Variants in WDFY3 observed in about 807,000 individuals in gnomAD.
The protein encoded by WDFY3 is WD repeat and FYVE domain containing 3, also known as WD repeat and FYVE domain-containing protein 3.
WDFY3 carries 66 observed loss-of-function variants against 409.6 expected under a neutral mutation model. The ratio of observed to expected loss-of-function variants is 0.16; its 90% CI spans 0.13 to 0.20. The LOEUF is 0.20. WDFY3 is among the 10% of genes least tolerant of loss of function. The probability of loss-of-function intolerance (pLI) is 1.00; values close to 1 mark genes in which losing one functional copy is unlikely to be tolerated. For synonymous variants in WDFY3, 1,521 were observed against 1,537.1 expected (o/e 0.99, Z 0.25); for missense variants, 3,031 against 4,298.1 (o/e 0.71, Z 8.24).
At chr4:84,876,629 T>C (rs987603396) in intron 3 of WDFY3, among the ~76,000 whole-genome samples, 1 of 152,030 alleles carries the variant, frequency 6.6e-6, no homozygotes, top group Non-Finnish European at 1.5e-5. Flanking sequence ...GAGAACCAAA[T>C]CTTATTTAAG....
At chr4:84,769,657 C>T (rs987883768) in intron 30 of WDFY3, among the ~76,000 whole-genome samples, 5 of 152,032 alleles carry the variant, frequency 3.3e-5, no homozygotes, top group Non-Finnish European at 7.4e-5. Flanking sequence ...CTCCTGACCT[C>T]GTGATCCACC....
Position 84,709,352 on chromosome 4 carries a change from A to G in WDFY3, c.8043-5T>C. On this transcript the variant is annotated splice_polypyrimidine_tract_variant and splice_region_variant and intron_variant, in intron 51 of 67. Coordinates refer to ENST00000295888, the MANE Select transcript of WDFY3 (RefSeq NM_014991.6). Reference sequence around the variant, plus strand: ...AAAGTGCTAAGTAACCCAGATCTAAAAGCAATACATAATACAATAAATTAC... The same window carrying G: ...AAAGTGCTAAGTAACCCAGATCTAAGAGCAATACATAATACAATAAATTAC... 6.2e-7 allele frequency: 1 copy of G among 1,605,442 alleles called. No homozygotes were observed. Among genetic ancestry groups the G allele is most frequent in the Non-Finnish European group, 8.5e-7 (1 of 1,176,830 alleles).
At chr4:84,698,421 C>T (rs958842396) in intron 56 of WDFY3, among the ~76,000 whole-genome samples, 8 of 151,348 alleles carry the variant, frequency 5.3e-5, no homozygotes, top group Non-Finnish European at 1.0e-4. Context: ...CGTACAGGCA[C>T]GTGCCACCAT....
At chr4:84,746,615 GT>G (rs1243553605) in intron 36 of WDFY3, among the ~76,000 whole-genome samples, 2 of 151,940 alleles carry the variant, frequency 1.3e-5, no homozygotes, top group Admixed American at 1.3e-4. Context: ...CTTGTTACTG[GT>G]CCTAGTGGCC....
chr4:84,778,554 G>A lies in WDFY3; in HGVS notation c.4467C>T (p.Thr1489=). The A allele has an allele frequency of 6.2e-7, 1 of 1,610,062 alleles. No individual in the cohort carries two copies. The highest frequency in any genetic ancestry group is 8.5e-7 in the Non-Finnish European group (1 of 1,178,574). The change falls in exon 27 of 68, where the codon ACC becomes ACT. Residue 1489 remains threonine (T), a synonymous_variant. Coordinates refer to ENST00000295888, the MANE Select transcript of WDFY3 (RefSeq NM_014991.6). ...AAGCAGTTGAATTTGGAATAATGGA[G>A]GTCTCATGTCCACTATCAACAGTTC... ...LVGTVDSGHE[T]SIIPNSTAFQ... is the part of the protein sequence containing the mutation.
At chr4:84,837,875 G>C (rs1316145633) in intron 6 of WDFY3, among the ~76,000 whole-genome samples, 1 of 152,108 alleles carries the variant, frequency 6.6e-6, no homozygotes, top group African/African-American at 2.4e-5. Context: ...TGTGCTGGGA[G>C]CTGGGCATGC....
At chr4:84,751,275 T>C in intron 36 of WDFY3, 1 of 599,702 alleles carries the variant, frequency 1.7e-6, no homozygotes, top group Non-Finnish European at 2.9e-6. Flanking sequence ...AAGGACTGAA[T>C]TAGAGACATC....
intron 15 of WDFY3, among the ~76,000 whole-genome samples, chr4:84,806,711 G>C (rs1451049100): frequency 6.6e-6 from 1 of 151,974 alleles, no homozygotes; most frequent in Non-Finnish European, 1.5e-5. Context: ...CGTTCATGCA[G>C]TTCTCCTGAC....
chr4:84,772,928 A>ATC lies in WDFY3; in HGVS notation c.4755-1_4755dup (p.Phe1586AspfsTer20). ...AAAGTAGAAGAAATAAACTGCCCAA[A>ATC]TCTTTAAACAAAGGAAAACAAGATT... On this transcript the variant is annotated frameshift_variant and splice_region_variant, in exon 30 of 68. Transcript: ENST00000295888. LOFTEE classifies it high-confidence loss of function. 1 of 1,595,130 alleles carries ATC rather than the reference A, an allele frequency of 6.3e-7. No individual in the cohort carries two copies. The highest frequency in any genetic ancestry group is 8.5e-7 in the Non-Finnish European group (1 of 1,173,558).
intron 12 of WDFY3, 50 bp downstream of exon 12, chr4:84,820,035 G>A (rs1753832258): frequency 7.0e-7 from 1 of 1,427,192 alleles, no homozygotes. Flanking sequence ...CACAGAAGAT[G>A]TAATCAGTGG....
chr4:84,948,422 G>A (rs149575713), intron 1 of WDFY3, among the ~76,000 whole-genome samples: 12 of 151,966 alleles, frequency 7.9e-5, no homozygotes, highest in African/African-American at 2.9e-4. Flanking sequence ...ATACTTAATA[G>A]TATATAGAAA....
chr4:84,764,295 A>G (rs909912880), intron 32 of WDFY3, among the ~76,000 whole-genome samples: 5 of 152,230 alleles, frequency 3.3e-5, no homozygotes, highest in African/African-American at 1.2e-4. Flanking sequence ...ATTAAGGCCA[A>G]TAAACGAAAC....
intron 54 of WDFY3, among the ~76,000 whole-genome samples, 182 bp downstream of exon 54, chr4:84,705,212 A>C (rs544230342): frequency 1.3e-5 from 2 of 152,338 alleles, no homozygotes; most frequent in East Asian, 3.9e-4. Context: ...AAGCATGGCC[A>C]TAAGTTGGCA....
chr4:84,738,662 C>G (rs1215011298), intron 40 of WDFY3, among the ~76,000 whole-genome samples: 1 of 151,514 alleles, frequency 6.6e-6, no homozygotes, highest in Non-Finnish European at 1.5e-5. Flanking sequence ...TATTGATAAC[C>G]TGTCTCAAGC....
intron 60 of WDFY3, 119 bp downstream of exon 60, chr4:84,691,512 G>T: frequency 9.0e-7 from 1 of 1,108,664 alleles, no homozygotes; most frequent in African/African-American, 1.6e-5. Flanking sequence ...TTTCTTTTGG[G>T]CTTTGGAGGA....
In WDFY3 at chr4:84,739,019, T is replaced by C. The variant is rs1366500526; in HGVS notation, c.6565A>G (p.Ile2189Val). ...IEPDGSYSQD[I>V]SEGRQLLIKA... ...AAGTCAAGGCAATTACCTTCACTAATATCTTGGCTGTAACTACCATCTGGT... is the reference window on the plus strand; with the variant it reads ...AAGTCAAGGCAATTACCTTCACTAACATCTTGGCTGTAACTACCATCTGGT... Residue 2189 changes from isoleucine to valine, a missense_variant, in exon 40 of 68, where the codon ATT becomes GTT. Around this residue, in one of 16 missense-constraint regions of WDFY3, gnomAD observed 314 missense variants for 397.4 expected, o/e 0.79. Transcript: ENST00000295888. The C allele has an allele frequency of 1.2e-6, 2 of 1,614,072 alleles. No homozygotes were observed. Among genetic ancestry groups the C allele is most frequent in the East Asian group, 2.2e-5 (1 of 44,874 alleles).
intron 1 of WDFY3, among the ~76,000 whole-genome samples, chr4:84,949,981 A>C (rs529591678): frequency 1.6e-4 from 24 of 152,336 alleles, no homozygotes; most frequent in African/African-American, 5.1e-4. Context: ...CACAATAGCA[A>C]AGACTTGGAA....
At chr4:84,700,322 G>A (rs765895612) in intron 56 of WDFY3, among the ~76,000 whole-genome samples, 6 of 152,140 alleles carry the variant, frequency 3.9e-5, no homozygotes, top group Non-Finnish European at 7.4e-5. Flanking sequence ...TCCCACCTCA[G>A]CCTCCTGAGT....
intron 1 of WDFY3, among the ~76,000 whole-genome samples, chr4:84,936,609 T>G (rs189392205): frequency 4.3e-4 from 66 of 152,216 alleles, no homozygotes; most frequent in Non-Finnish European, 7.4e-4. Flanking sequence ...CTTTCCAAAC[T>G]TTATACAAAG....
Sources: gnomAD v4.1 joint callset for allele counts (sites outside exome capture counted in the v4.1 genomes callset) on GRCh38, gnomAD v4.1.1 for gene constraint, gnomAD v4.1.1 regional missense constraint, MANE v1.5 for transcripts, NCBI Gene and HGNC (gene_info 2026-07-23, HGNC 2026-07-21) for gene names.